Variants in WASF3 observed in about 807,000 individuals in gnomAD.
WASF3 encodes the protein actin-binding protein WASF3.
Under a neutral mutation model 46.6 loss-of-function variants are expected in WASF3, and 11 were observed. That is an observed-to-expected ratio of 0.24 (90% CI 0.15 to 0.39). The LOEUF is 0.39. WASF3 is among the 10% of genes least tolerant of loss of function. The probability of loss-of-function intolerance (pLI) is 1.00; values close to 1 mark genes in which losing one functional copy is unlikely to be tolerated. For missense variants in WASF3, 576 were observed against 669.8 expected (o/e 0.86, Z 1.55); for synonymous variants, 242 against 259.7 (o/e 0.93, Z 0.65).
chr13:26,663,943 G>C (rs761932859), intron 3 of WASF3, among the ~76,000 whole-genome samples: 9 of 152,178 alleles, frequency 5.9e-5, no homozygotes, highest in Non-Finnish European at 8.8e-5. Context: ...CCTCTGTTTA[G>C]TCAGCCAGAG....
At chr13:26,639,643 TC>T (rs1363279650) in intron 2 of WASF3, 3 of 152,124 alleles carry the variant, frequency 2.0e-5, no homozygotes, top group Admixed American at 1.3e-4. Context: ...CCCTTCCAAA[TC>T]CCTCTCAGAG....
chr13:26,623,763 A>G (rs1423092863), intron 2 of WASF3, among the ~76,000 whole-genome samples: 1 of 152,154 alleles, frequency 6.6e-6, no homozygotes, highest in African/African-American at 2.4e-5. Context: ...CGTAGCAATA[A>G]CAGTCATCTC....
intron 1 of WASF3, among the ~76,000 whole-genome samples, 157 bp from the exon 2 acceptor site, chr13:26,612,804 C>T (rs1747887216): frequency 1.3e-5 from 2 of 152,210 alleles, no homozygotes; most frequent in Non-Finnish European, 2.9e-5. Context: ...TTTCACACAC[C>T]TTATTAGCTC....
the WASF3 span, among the ~76,000 whole-genome samples, chr13:26,550,888 C>A: frequency 6.6e-6 from 1 of 152,158 alleles, no homozygotes; most frequent in Non-Finnish European, 1.5e-5. Context: ...ACAATTGTCA[C>A]TGGGGACACC....
chr13:26,624,660 C>T (rs920075196), intron 2 of WASF3, among the ~76,000 whole-genome samples: 8 of 151,748 alleles, frequency 5.3e-5, no homozygotes, highest in African/African-American at 1.9e-4. Flanking sequence ...TAAGAACCCT[C>T]CAAGTTCTAG....
intron 2 of WASF3, chr13:26,619,190 C>T (rs1247702906): frequency 6.6e-6 from 1 of 152,150 alleles, no homozygotes; most frequent in Non-Finnish European, 1.5e-5. Context: ...ACATACATGC[C>T]ATACACAACC....
intron 3 of WASF3, among the ~76,000 whole-genome samples, chr13:26,657,076 G>A (rs975189794): frequency 6.6e-6 from 1 of 152,082 alleles, no homozygotes; most frequent in African/African-American, 2.4e-5. Context: ...GTTGAATTAC[G>A]ACCAGAAGGG....
intron 1 of WASF3, among the ~76,000 whole-genome samples, chr13:26,599,494 G>C (rs1479651101): frequency 1.3e-5 from 2 of 152,182 alleles, no homozygotes; most frequent in Non-Finnish European, 2.9e-5. Context: ...TCCTGCCCTA[G>C]CACCTTGTGC....
intron 3 of WASF3, among the ~76,000 whole-genome samples, chr13:26,643,765 G>A (rs1347646574): frequency 6.6e-6 from 1 of 152,214 alleles, no homozygotes; most frequent in African/African-American, 2.4e-5. Context: ...TGTATCTCAT[G>A]CTGTAATAAT....
intron 3 of WASF3, among the ~76,000 whole-genome samples, chr13:26,643,871 C>A (rs1207252563): frequency 1.3e-5 from 2 of 152,206 alleles, no homozygotes; most frequent in African/African-American, 2.4e-5. Flanking sequence ...TTCTACATGG[C>A]CCTTGTGGTA....
At chr13:26,614,167 A>G (rs192298837) in intron 2 of WASF3, among the ~76,000 whole-genome samples, 7 of 152,322 alleles carry the variant, frequency 4.6e-5, no homozygotes, top group Admixed American at 3.3e-4. Context: ...AAGAAAGGCT[A>G]TTATACCAGA....
chr13:26,551,691 T>A, the WASF3 span, among the ~76,000 whole-genome samples: 1 of 152,108 alleles, frequency 6.6e-6, no homozygotes. Context: ...AAGTTGAGCT[T>A]CCCAGGTGAG....
At chr13:26,553,342 G>GT (rs372384923), upstream of WASF3, among the ~76,000 whole-genome samples, 2 of 152,096 alleles carry the variant, frequency 1.3e-5, no homozygotes, top group African/African-American at 4.8e-5. Context: ...TTGGGAGGGG[G>GT]TAGTAACGGA....
Position 26,642,366 on chromosome 13 carries a change from T to TA in WASF3, c.97dup (p.Thr33AsnfsTer17), listed in dbSNP as rs778832064. The TA allele has an allele frequency of 6.2e-7, 1 of 1,610,554 alleles. No homozygotes were observed. On this transcript the variant is annotated frameshift_variant, in exon 3 of 10. Transcript: ENST00000335327. LOFTEE classifies it high-confidence loss of function. ...GCGAACTTGAATGTGTAACCAATAG[T>TA]ACTCTTGCCGCTATCATACGCCAGC...
At chr13:26,571,970 G>A (rs1879650160) in intron 1 of WASF3, among the ~76,000 whole-genome samples, 1 of 152,112 alleles carries the variant, frequency 6.6e-6, no homozygotes, top group African/African-American at 2.4e-5. Context: ...TTATAAATGG[G>A]ACTTTCTGTT....
At chr13:26,628,690 G>A (rs1401557328) in intron 2 of WASF3, among the ~76,000 whole-genome samples, 2 of 152,142 alleles carry the variant, frequency 1.3e-5, no homozygotes, top group African/African-American at 4.8e-5. Context: ...TACCGTGGTG[G>A]CATCCAGAAC....
At chr13:26,582,569 C>G (rs964252028) in intron 1 of WASF3, among the ~76,000 whole-genome samples, 1 of 142,862 alleles carries the variant, frequency 7.0e-6, no homozygotes, top group Admixed American at 7.5e-5. Flanking sequence ...CCCAGTTACT[C>G]GGGAGGCTGA....
At chr13:26,543,743 C>T in the WASF3 span, among the ~76,000 whole-genome samples, 2 of 152,130 alleles carry the variant, frequency 1.3e-5, no homozygotes, top group African/African-American at 2.4e-5. Flanking sequence ...TTCAAAATCC[C>T]GGAATTTCAG....
chr13:26,540,623 T>G, the WASF3 span, among the ~76,000 whole-genome samples: 9 of 152,220 alleles, frequency 5.9e-5, no homozygotes, highest in Admixed American at 2.6e-4. Context: ...TGAGTAGGAT[T>G]AGCTATGCCC....
Sources: allele counts gnomAD v4.1 joint callset (sites outside exome capture counted in the v4.1 genomes callset), GRCh38; gene constraint gnomAD v4.1.1; transcripts MANE v1.5; gene names NCBI Gene and HGNC (gene_info 2026-07-23, HGNC 2026-07-21).